Variants in DCXR observed in about 807,000 individuals in gnomAD.
DCXR encodes dicarbonyl and L-xylulose reductase.
Under a neutral mutation model 25.9 loss-of-function variants are expected in DCXR, and 24 were observed. The observed-to-expected ratio is 0.93, with a 90% confidence interval of 0.67 to 1.30. The LOEUF is 1.30. Among genes scored for constraint, DCXR ranks in the 50% most tolerant of loss-of-function variants. DCXR has a pLI of 0.00. For missense variants in DCXR, 348 were observed against 333.7 expected, an observed-to-expected ratio of 1.04 and a Z score of -0.33; for synonymous variants, 161 against 141.7, an observed-to-expected ratio of 1.14 and a Z score of -0.97.
intron 2 of DCXR, 159 bp from the exon 3 acceptor site, chr17:82,037,172 G>T (rs1207994302): frequency 2.0e-6 from 2 of 988,274 alleles, no homozygotes; most frequent in Non-Finnish European, 3.0e-6. Flanking sequence ...CCTCCGGCCG[G>T]TTCACTTCCT....
intron 7 of DCXR, 24 bp from the exon 8 acceptor site, chr17:82,036,087 G>C (rs1306582836): frequency 6.2e-7 from 1 of 1,610,436 alleles, no homozygotes; most frequent in Admixed American, 1.7e-5. Flanking sequence ...GGGGGTCAGG[G>C]GCATAGAGGA....
rs376866330 is a variant in DCXR, at chr17:82,037,023, T to C, written c.151-10A>G. ...GTTCTATCCCCGGGCACTGTGTGTA[T>C]CAGGGGGCAGTTACCAGAGGCTCTG... On this transcript the variant is annotated splice_polypyrimidine_tract_variant and intron_variant, in intron 2 of 7. Coordinates refer to ENST00000306869, the MANE Select transcript of DCXR (RefSeq NM_016286.4). 8 of 1,553,540 alleles carry C rather than the reference T, an allele frequency of 5.1e-6. No homozygotes were observed. In the Middle Eastern group the frequency reaches 7.8e-4, roughly 151 times the overall value.
chr17:82,037,389 C>T lies in DCXR; in HGVS notation c.150+61G>A, dbSNP rs1417250569. 4 of 1,475,358 alleles carry T rather than the reference C, an allele frequency of 2.7e-6. No individual in the cohort carries two copies. The East Asian group carries it at 8.2e-5, about 30-fold the overall frequency. 91.4% of individuals were successfully genotyped at this position (1,475,358 alleles called of 1,614,324 possible). A position where few individuals can be genotyped will look rare whatever the true frequency, so the allele number is the denominator to read the frequency against. On this transcript the variant is annotated intron_variant, in intron 2 of 7. Transcript: ENST00000306869. Reference sequence around the variant, plus strand: ...GAGTCGCGCACAGAGGTACCGCCCCCGCTCGCTGCCGCCCCCTCCTGGCTC... The same window carrying T: ...GAGTCGCGCACAGAGGTACCGCCCCTGCTCGCTGCCGCCCCCTCCTGGCTC...
chr17:82,037,231 G>T, intron 2 of DCXR: 1 of 837,138 alleles, frequency 1.2e-6, no homozygotes, highest in Non-Finnish European at 1.8e-6. Context: ...CAGCCATTTC[G>T]GCCTCTTTCT....
At position 82,036,019 on chromosome 17, in the gene DCXR, G is replaced by C. The variant is rs201802500; in HGVS notation, c.676C>G (p.Arg226Gly). ...GTGGAACCCGTGGTCATGCCACTTC[G>C]GTCACTCAGCAGAAAGAGGATGGCG... ...VNAILFLLSD[R>G]SGMTTGSTLP... Residue 226 changes from arginine to glycine, a missense_variant, in exon 8 of 8, where the codon CGA becomes GGA. By Grantham distance (125) the Arg-to-Gly change is moderately radical. Transcript: ENST00000306869. 14 of 1,613,354 alleles carry C rather than the reference G, an allele frequency of 8.7e-6. No individual in the cohort carries two copies. In the African/African-American group the frequency reaches 1.5e-4, roughly 17 times the overall value.
rs1230853507 is a variant in DCXR, at chr17:82,036,024, C to T, written c.671G>A (p.Ser224Asn). Residue 224 changes from serine to asparagine, a missense_variant, in exon 8 of 8, where the codon AGT becomes AAT. Ser to Asn is a conservative substitution (Grantham distance 46). Coordinates refer to ENST00000306869, the MANE Select transcript of DCXR (RefSeq NM_016286.4). Reference protein sequence around the residue: ...HVVNAILFLLSDRSGMTTGST... With the variant: ...HVVNAILFLLNDRSGMTTGST... Reference sequence around the variant, plus strand: ...ACCCGTGGTCATGCCACTTCGGTCACTCAGCAGAAAGAGGATGGCGTTCAC... The same window carrying T: ...ACCCGTGGTCATGCCACTTCGGTCATTCAGCAGAAAGAGGATGGCGTTCAC... 10 of 1,613,394 alleles carry T rather than the reference C, an allele frequency of 6.2e-6. No individual in the cohort carries two copies. The highest frequency in any genetic ancestry group is 8.5e-6 in the Non-Finnish European group (10 of 1,180,032).
Position 82,036,280 on chromosome 17 carries a change from ACTG to A in DCXR, c.539_541del (p.Thr180_Val181delinsMet). ...GGCCTGGCCCATGGACGTCATCACC[ACTG>A]TGGGGTTTACTGCATTCACTCGGAT... On this transcript the variant is annotated inframe_deletion, in exon 7 of 8. Transcript: ENST00000306869. The A allele has an allele frequency of 6.5e-7, 1 of 1,540,748 alleles. No individual in the cohort carries two copies.
At position 82,036,898 on chromosome 17, in the gene DCXR, A is replaced by T. The variant is rs774643517; in HGVS notation, c.266T>A (p.Leu89Gln). The part of the protein sequence containing the change: ...LLVNNAAVAL[L>Q]QPFLEVTKEA... ...CTTGGTGACCTCCAGGAAGGGCTGCAGCAGGGCGACAGCGGCGTTGTTCAC... is the reference window on the plus strand; with the variant it reads ...CTTGGTGACCTCCAGGAAGGGCTGCTGCAGGGCGACAGCGGCGTTGTTCAC... The change falls in exon 3 of 8, where the codon CTG (leucine) becomes CAG (glutamine). Residue 89 changes from leucine (L) to glutamine (Q), a missense_variant. Transcript: ENST00000306869. The T allele has an allele frequency of 2.5e-6, 4 of 1,613,086 alleles. No homozygotes were observed. The South Asian group carries it at 3.3e-5, about 13-fold the overall frequency.
Position 82,036,677 on chromosome 17 carries a change from G to C in DCXR, c.349-34C>G, listed in dbSNP as rs372804928. On this transcript the variant is annotated intron_variant, in intron 4 of 7. Transcript: ENST00000306869. ...GCAGCGAGACCGTGAGGCAGAGCTG[G>C]CATCACTCACGAGAATTCCCGTCCA... The C allele has an allele frequency of 8.3e-5, 134 of 1,613,404 alleles. No individual in the cohort carries two copies. The African/African-American group carries it at 1.2e-3, about 15-fold the overall frequency.
chr17:82,035,881 T>C lies in DCXR; in HGVS notation c.*79A>G, dbSNP rs1040168134. 8.4e-6 allele frequency: 11 copies of C among 1,309,586 alleles called. No homozygotes were observed. In the East Asian group the frequency reaches 1.4e-4, roughly 17 times the overall value. 81.1% of individuals were successfully genotyped at this position (1,309,586 alleles called of 1,614,324 possible). Reference sequence around the variant, plus strand: ...GGCAGCCTAGGAATAGCACATAGTCTGGGCAGCAGAATCAGGTTTATTGGA... The same window carrying C: ...GGCAGCCTAGGAATAGCACATAGTCCGGGCAGCAGAATCAGGTTTATTGGA... On this transcript the variant is annotated 3_prime_UTR_variant, in exon 8 of 8. Coordinates refer to ENST00000306869, the MANE Select transcript of DCXR (RefSeq NM_016286.4).
chr17:82,036,342 T>A, intron 6 of DCXR, 34 bp from the exon 7 acceptor site: 1 of 1,613,128 alleles, frequency 6.2e-7, no homozygotes. Flanking sequence ...GCAGGGCAAG[T>A]GGGGTGTCCT....
chr17:82,036,102 G>A, intron 7 of DCXR, 39 bp from the exon 8 acceptor site: 5 of 1,607,328 alleles, frequency 3.1e-6, no homozygotes, highest in Non-Finnish European at 4.3e-6. Flanking sequence ...AGAGGAAGGA[G>A]GCTGCCGCCC....
At position 82,036,637 on chromosome 17, in the gene DCXR, C is replaced by A. The variant is rs1598461458; in HGVS notation, c.355G>T (p.Ala119Ser). 1 of 1,613,330 alleles carries A rather than the reference C, an allele frequency of 6.2e-7. No individual in the cohort carries two copies. Among genetic ancestry groups the A allele is most frequent in the South Asian group, 1.1e-5 (1 of 91,080 alleles). ...ACTCCCCGGGCTATTAAGCCCCTGG[C>A]CACAATCTGGAATCGCAGCGAGACC... ...RAVIQVSQIV[A>S]RGLIARGVPG... The change falls in exon 5 of 8, where the codon GCC becomes TCC. Residue 119 changes from alanine (A) to serine (S), a missense_variant. Transcript: ENST00000306869.
chr17:82,037,220 G>T, intron 2 of DCXR: 1 of 848,866 alleles, frequency 1.2e-6, no homozygotes, highest in Non-Finnish European at 1.8e-6. Flanking sequence ...GGCCTGCTTC[G>T]CAGCCATTTC....
At position 82,037,562 on chromosome 17, in the gene DCXR, C is replaced by G; in HGVS notation, c.53-15G>C. The G allele has an allele frequency of 1.3e-6, 2 of 1,544,396 alleles. No individual in the cohort carries two copies. Among genetic ancestry groups the G allele is most frequent in the Non-Finnish European group, 1.7e-6 (2 of 1,151,214 alleles). ...GCGCCCTATACCTGCCGGGAGCGGG[C>G]TCAGTGAAGGCGTCCCCTGCCCGCC... is the stretch of plus-strand genomic sequence containing the variant. On this transcript the variant is annotated splice_polypyrimidine_tract_variant and intron_variant, in intron 1 of 7. Coordinates refer to ENST00000306869, the MANE Select transcript of DCXR (RefSeq NM_016286.4).
rs2043487449 is a variant in DCXR at position 82,036,057 on chromosome 17, T to A, written c.638A>T (p.Glu213Val). ...RIPLGKFAEV[E>V]HVVNAILFLL... ...AAAGAGGATGGCGTTCACCACGTGCTCTACCTCTGTGGGCAGGGCGGGGGT... is the reference window on the plus strand; with the variant it reads ...AAAGAGGATGGCGTTCACCACGTGCACTACCTCTGTGGGCAGGGCGGGGGT... The change falls in exon 8 of 8, where the codon GAG (glutamate) becomes GTG (valine). Residue 213 changes from glutamate to valine, a missense_variant. Coordinates refer to ENST00000306869, the MANE Select transcript of DCXR (RefSeq NM_016286.4). 6.2e-7 allele frequency: 1 copy of A among 1,613,250 alleles called. No individual in the cohort carries two copies. Among genetic ancestry groups the A allele is most frequent in the Non-Finnish European group, 8.5e-7 (1 of 1,179,944 alleles).
rs2043506049 is a variant in DCXR, at chr17:82,037,459, A to C, written c.141T>G (p.Leu47=). The C allele has an allele frequency of 6.5e-7, 1 of 1,528,866 alleles. No homozygotes were observed. The highest frequency in any genetic ancestry group is 8.7e-7 in the Non-Finnish European group (1 of 1,145,098). The allele number at this position is 1,528,866 out of a possible 1,614,324, so 94.7% of individuals were successfully genotyped here. Residue 47 remains leucine (L), a synonymous_variant, in exon 2 of 8, where the codon CTT becomes CTG. Coordinates refer to ENST00000306869, the MANE Select transcript of DCXR (RefSeq NM_016286.4). ...VSRTQADLDS[L]VRECPGIEPV... is the part of the protein sequence containing the mutation. ...ACCCGGCGGGACCTACCTCGCGGACAAGGCTGTCAAGATCCGCCTGAGTCC... is the reference window on the plus strand; with the variant it reads ...ACCCGGCGGGACCTACCTCGCGGACCAGGCTGTCAAGATCCGCCTGAGTCC...
chr17:82,037,597 C>A, intron 1 of DCXR, 34 bp downstream of exon 1: 1 of 1,556,068 alleles, frequency 6.4e-7, no homozygotes, highest in African/African-American at 1.4e-5. Context: ...CTCTGCCCGC[C>A]GCCGGCCTTT....
rs1430825468 is a variant in DCXR at position 82,037,656 on chromosome 17, C to A, written c.27G>T (p.Arg9=). The A allele has an allele frequency of 4.4e-6, 7 of 1,590,608 alleles. No individual in the cohort carries two copies. The African/African-American group carries it at 9.4e-5, about 21-fold the overall frequency. Reference sequence around the variant, plus strand: ...CTTTGCCTGCCCCGGTGACCAGCACCCGGCGGCCCGCGAGGAACAGCTCCA... The same window carrying A: ...CTTTGCCTGCCCCGGTGACCAGCACACGGCGGCCCGCGAGGAACAGCTCCA... The part of the protein sequence containing the change: MELFLAGR[R]VLVTGAGKGI... Residue 9 remains arginine, a synonymous_variant, in exon 1 of 8, where the codon CGG becomes CGT. Coordinates refer to ENST00000306869, the MANE Select transcript of DCXR (RefSeq NM_016286.4).
Sources: gnomAD v4.1 joint callset for allele counts on GRCh38, gnomAD v4.1.1 for gene constraint, MANE v1.5 for transcripts, NCBI Gene and HGNC (gene_info 2026-07-23, HGNC 2026-07-21) for gene names.